The following NUDT7 variants were observed in gnomAD, a reference collection of about 807,000 sequenced individuals.
The protein encoded by NUDT7 is peroxisomal coenzyme A diphosphatase NUDT7.
NUDT7 carries 19 observed loss-of-function variants against 13.1 expected under a neutral mutation model. The observed-to-expected ratio is 1.45, with a 90% CI of 1.01 to 2.13. The LOEUF (loss-of-function observed/expected upper bound fraction) is 2.13, where lower values mean the gene tolerates loss of function less well. NUDT7 is among the 30% of genes most tolerant of loss of function. NUDT7 has a pLI of 0.00. For synonymous variants in NUDT7, 132 were observed against 109.7 expected, an observed-to-expected ratio of 1.20 and a Z score of -1.27; for missense variants, 360 against 291.7, an observed-to-expected ratio of 1.23 and a Z score of -1.71.
intron 2 of NUDT7, 87 bp downstream of exon 2, chr16:77,725,671 C>A: frequency 1.6e-6 from 2 of 1,223,408 alleles, no homozygotes; most frequent in Non-Finnish European, 1.2e-6. Flanking sequence ...ACTTTGATGC[C>A]AAAATTCTCA....
intron 2 of NUDT7, among the ~76,000 whole-genome samples, chr16:77,732,335 A>AAAG (rs2014344192): frequency 6.6e-6 from 1 of 151,304 alleles, no homozygotes; most frequent in East Asian, 1.9e-4. Flanking sequence ...TCAAAAAAAA[A>AAAG]AAAGAAAAAG....
chr16:77,742,052 A>T lies in NUDT7; in HGVS notation c.*102A>T. ...CTGTTGGAATTTGACAGGTGTGAAT[A>T]TTTTTTCTGCAGTATGTAGTTAGAA... On this transcript the variant is annotated 3_prime_UTR_variant, in exon 4 of 4. Coordinates refer to ENST00000268533, the MANE Select transcript of NUDT7 (RefSeq NM_001105663.3). The T allele has an allele frequency of 1.3e-6, 2 of 1,482,152 alleles. No homozygotes were observed. The highest frequency in any genetic ancestry group is 1.8e-6 in the Non-Finnish European group (2 of 1,125,394). The allele number at this position is 1,482,152 out of a possible 1,614,324, so 91.8% of individuals were successfully genotyped here.
intron 1 of NUDT7, among the ~76,000 whole-genome samples, chr16:77,723,026 G>C (rs561068254): frequency 1.3e-5 from 2 of 152,192 alleles, no homozygotes; most frequent in Admixed American, 6.5e-5. Context: ...GCCTGGAGGT[G>C]ACCCTGTGAT....
chr16:77,722,651 T>G, intron 1 of NUDT7, 34 bp downstream of exon 1: 1 of 1,574,004 alleles, frequency 6.4e-7, no homozygotes, highest in Non-Finnish European at 8.6e-7. Context: ...ACCCCGAGCT[T>G]GGTCAGGCCC....
At position 77,741,942 on chromosome 16, in the gene NUDT7, A is replaced by G; in HGVS notation, c.709A>G (p.Arg237Gly). The G allele has an allele frequency of 6.3e-7, 1 of 1,591,526 alleles. No homozygotes were observed. Among genetic ancestry groups the G allele is most frequent in the Non-Finnish European group, 8.5e-7 (1 of 1,169,736 alleles). Residue 237 changes from arginine (R) to glycine (G), a missense_variant, in exon 4 of 4, where the codon AGG becomes GGG. Physicochemically the swap from Arg to Gly is moderately radical, Grantham distance 125. Coordinates refer to ENST00000268533, the MANE Select transcript of NUDT7 (RefSeq NM_001105663.3). ...FLKVHKKATS[R>G]L ...GAAGGTTCATAAAAAAGCTACAAGC[A>G]GGTTATGATTTACTAGAGCAAGAGA... is the stretch of plus-strand genomic sequence containing the variant.
At chr16:77,739,493 T>C (rs2014591239) in intron 3 of NUDT7, among the ~76,000 whole-genome samples, 1 of 152,160 alleles carries the variant, frequency 6.6e-6, no homozygotes, top group African/African-American at 2.4e-5. Context: ...TTTCTAATTA[T>C]CGTATAATGA....
At position 77,740,790 on chromosome 16, in the gene NUDT7, C is replaced by T. The variant is rs150455978; in HGVS notation, c.349-792C>T. Among the ~76,000 whole-genome samples the T allele has an allele frequency of 3.4e-3, 517 of 152,150 alleles. 3 individuals carry two copies. The highest frequency in any genetic ancestry group is 0.02 in the Middle Eastern group (6 of 294). On this transcript the variant is annotated intron_variant, in intron 3 of 3. Transcript: ENST00000268533. ...CTCAAACTCCTGACCTCAGGTGGTCCGCCCACCTCAGCCTCCCAAAGTGCT... is the reference window on the plus strand; with the variant it reads ...CTCAAACTCCTGACCTCAGGTGGTCTGCCCACCTCAGCCTCCCAAAGTGCT...
intron 2 of NUDT7, among the ~76,000 whole-genome samples, chr16:77,726,871 T>A (rs1329441208): frequency 6.6e-6 from 1 of 152,102 alleles, no homozygotes; most frequent in Non-Finnish European, 1.5e-5. Context: ...CATTGAGTCA[T>A]GGTTCTGCAG....
chr16:77,722,708 A>C, intron 1 of NUDT7, 91 bp downstream of exon 1: 1 of 1,289,372 alleles, frequency 7.8e-7, no homozygotes, highest in Admixed American at 2.0e-5. Flanking sequence ...GCCGGGACTG[A>C]TTTTGCAGCT....
intron 2 of NUDT7, among the ~76,000 whole-genome samples, chr16:77,727,325 A>G (rs1003855132): frequency 6.6e-6 from 1 of 152,158 alleles, no homozygotes; most frequent in Non-Finnish European, 1.5e-5. Context: ...AAGCAGAATA[A>G]TGAAAAGTAT....
chr16:77,739,316 C>G (rs2014585889), intron 3 of NUDT7, among the ~76,000 whole-genome samples: 2 of 152,152 alleles, frequency 1.3e-5, no homozygotes, highest in South Asian at 4.1e-4. Context: ...TGATCATATG[C>G]TAAACAAGGG....
intron 1 of NUDT7, 147 bp from the exon 2 acceptor site, chr16:77,725,284 A>C: frequency 1.5e-6 from 1 of 654,638 alleles, no homozygotes; most frequent in Non-Finnish European, 2.5e-6. Flanking sequence ...AGATAGTATC[A>C]TTTCTGTCGT....
chr16:77,741,634 C>G lies in NUDT7; in HGVS notation c.401C>G (p.Ala134Gly), dbSNP rs1401200751. Residue 134 changes from alanine to glycine, a missense_variant, in exon 4 of 4, where the codon GCC becomes GGC. Transcript: ENST00000268533. Reference protein sequence around the residue: ...FVGLIDHNFQAQPNPAEVKDV... With the variant: ...FVGLIDHNFQGQPNPAEVKDV... Reference sequence around the variant, plus strand: ...GGTTTAATAGACCACAACTTCCAGGCCCAGCCGAATCCTGCTGAAGTTAAG... The same window carrying G: ...GGTTTAATAGACCACAACTTCCAGGGCCAGCCGAATCCTGCTGAAGTTAAG... 1.2e-6 allele frequency: 2 copies of G among 1,613,722 alleles called. No individual in the cohort carries two copies. Among genetic ancestry groups the G allele is most frequent in the Non-Finnish European group, 1.7e-6 (2 of 1,179,916 alleles).
rs774390740 is a variant in NUDT7, at chr16:77,735,830, A to G, written c.192A>G (p.Leu64=). 1 of 1,613,044 alleles carries G rather than the reference A, an allele frequency of 6.2e-7. No individual in the cohort carries two copies. The highest frequency in any genetic ancestry group is 1.1e-5 in the South Asian group (1 of 91,034). Residue 64 remains leucine, a splice_region_variant and synonymous_variant, in exon 3 of 4, where the codon CTA becomes CTG. Transcript: ENST00000268533. ...HLLFTVRSEK[L]RRAPGEVCFP... ...AGCGCTGTTCTTTCTATATCCAGCT[A>G]AGAAGGGCCCCTGGAGAAGTTTGCT...
At chr16:77,741,542 C>T (rs1284317529) in intron 3 of NUDT7, 40 bp from the exon 4 acceptor site, 1 of 1,535,440 alleles carries the variant, frequency 6.5e-7, no homozygotes, top group Non-Finnish European at 8.7e-7. Context: ...AGCAGTATCA[C>T]TTCACTTCTT....
At position 77,728,854 on chromosome 16, in the gene NUDT7, A is replaced by C. The variant is rs537043688; in HGVS notation, c.189+3270A>C. On this transcript the variant is annotated intron_variant, in intron 2 of 3. Coordinates refer to ENST00000268533, the MANE Select transcript of NUDT7 (RefSeq NM_001105663.3). ...AGGCCTTCAAAGCCACCCACTTTAT[A>C]GTTTTCAGGAATTAGCTGCTCTGCA... Among the ~76,000 whole-genome samples, 470 of 152,226 alleles carry C rather than the reference A, an allele frequency of 3.1e-3. 4 individuals are homozygous for C. The highest frequency in any genetic ancestry group is 0.011 in the African/African-American group (445 of 41,558).
At chr16:77,725,161 A>G (rs2014089390) in intron 1 of NUDT7, among the ~76,000 whole-genome samples, 1 of 152,228 alleles carries the variant, frequency 6.6e-6, no homozygotes, top group African/African-American at 2.4e-5. Flanking sequence ...CAACTGTTGC[A>G]TTATTGAAAA....
chr16:77,725,985 G>A (rs1175467839), intron 2 of NUDT7, among the ~76,000 whole-genome samples: 1 of 152,148 alleles, frequency 6.6e-6, no homozygotes, highest in Admixed American at 6.5e-5. Context: ...TGTCCAGTAT[G>A]CCAGTAGCAC....
At chr16:77,724,805 T>C (rs7200176) in intron 1 of NUDT7, among the ~76,000 whole-genome samples, 24,780 of 152,224 alleles carry the variant, frequency 0.16, 2,822 homozygotes, top group African/African-American at 0.32. Flanking sequence ...TAAATCCAAA[T>C]GCTTGCATAT....
Sources: allele counts gnomAD v4.1 joint callset (sites outside exome capture counted in the v4.1 genomes callset), GRCh38; gene constraint gnomAD v4.1.1; transcripts MANE v1.5; gene names NCBI Gene and HGNC (gene_info 2026-07-23, HGNC 2026-07-21).